Variants in SEMA3A observed in about 807,000 individuals in gnomAD.
The protein encoded by SEMA3A is semaphorin 3A.
A neutral mutation model predicts 97.9 loss-of-function variants in SEMA3A; 29 were observed. The observed-to-expected ratio is 0.30, with a 90% CI of 0.22 to 0.40. SEMA3A has a LOEUF of 0.40. Among genes scored for constraint, SEMA3A ranks in the 10% least tolerant of loss-of-function variants. SEMA3A has a pLI of 1.00. For missense variants in SEMA3A, 763 were observed against 951.3 expected, an observed-to-expected ratio of 0.80 and a Z score of 2.60; for synonymous variants, 321 against 323.7, an observed-to-expected ratio of 0.99 and a Z score of 0.09.
At chr7:84,049,241 A>T (rs1792490191) in intron 5 of SEMA3A, among the ~76,000 whole-genome samples, 1 of 152,080 alleles carries the variant, frequency 6.6e-6, no homozygotes, top group Non-Finnish European at 1.5e-5. Context: ...AGATGATTTT[A>T]TTGAACTGGA....
Position 83,961,303 on chromosome 7 carries a change from G to T in SEMA3A, c.*68C>A. On this transcript the variant is annotated 3_prime_UTR_variant, in exon 17 of 17. Coordinates refer to ENST00000265362, the MANE Select transcript of SEMA3A (RefSeq NM_006080.3). Reference sequence around the variant, plus strand: ...GCCATGAAAAAAGTTCATGTATATTGCATTTGTTTTTCCAGTTATTGTCTA... The same window carrying T: ...GCCATGAAAAAAGTTCATGTATATTTCATTTGTTTTTCCAGTTATTGTCTA... 7.9e-7 allele frequency: 1 copy of T among 1,260,094 alleles called. No individual in the cohort carries two copies. Among genetic ancestry groups the T allele is most frequent in the Non-Finnish European group, 1.2e-6 (1 of 864,850 alleles). The allele number at this position is 1,260,094 out of a possible 1,614,324, so 78.1% of individuals were successfully genotyped here. A position where few individuals can be genotyped will look rare whatever the true frequency, so the allele number is the denominator to read the frequency against.
intron 4 of SEMA3A, among the ~76,000 whole-genome samples, chr7:84,061,242 T>A (rs1793205173): frequency 6.6e-6 from 1 of 152,186 alleles, no homozygotes; most frequent in African/African-American, 2.4e-5. Context: ...GAAAGCCTGC[T>A]CTGTTGGGTC....
intron 5 of SEMA3A, among the ~76,000 whole-genome samples, chr7:84,048,574 T>C (rs574478954): frequency 6.6e-6 from 1 of 152,110 alleles, no homozygotes; most frequent in East Asian, 1.9e-4. Context: ...ATTTTCATGA[T>C]GGAACACCTG....
At chr7:84,255,166 A>G (rs1799691608) in intron 3 of SEMA3A, among the ~76,000 whole-genome samples, 1 of 152,132 alleles carries the variant, frequency 6.6e-6, no homozygotes, top group East Asian at 1.9e-4. Flanking sequence ...TTCAAAGTTG[A>G]ATTTATCAAA....
chr7:84,169,349 C>T (rs1030664214), intron 1 of SEMA3A, among the ~76,000 whole-genome samples: 2 of 150,718 alleles, frequency 1.3e-5, no homozygotes, highest in African/African-American at 4.9e-5. Context: ...TTAATATATT[C>T]ACTTATAGGA....
intron 1 of SEMA3A, among the ~76,000 whole-genome samples, chr7:84,483,497 C>A (rs768266555): frequency 1.1e-4 from 16 of 152,126 alleles, no homozygotes; most frequent in Admixed American, 2.6e-4. Context: ...GAGAAGGAGG[C>A]TTTCAAGCCA....
intron 3 of SEMA3A, among the ~76,000 whole-genome samples, chr7:84,265,851 G>C (rs1799983720): frequency 6.6e-6 from 1 of 151,884 alleles, no homozygotes; most frequent in African/African-American, 2.4e-5. Context: ...ATGGGTGAAA[G>C]CACAGAAAAT....
At chr7:84,463,219 T>C (rs940797701) in intron 1 of SEMA3A, among the ~76,000 whole-genome samples, 1 of 150,756 alleles carries the variant, frequency 6.6e-6, no homozygotes, top group Non-Finnish European at 1.5e-5. Context: ...ATAATTACTT[T>C]AGTATTTTGT....
intron 3 of SEMA3A, among the ~76,000 whole-genome samples, chr7:84,249,078 T>C (rs919672137): frequency 6.6e-6 from 1 of 152,190 alleles, no homozygotes; most frequent in Non-Finnish European, 1.5e-5. Flanking sequence ...TTCAGAAGAA[T>C]AAAGTGCTTC....
intron 1 of SEMA3A, among the ~76,000 whole-genome samples, chr7:84,139,519 A>C (rs1679423733): frequency 6.6e-6 from 1 of 152,092 alleles, no homozygotes; most frequent in African/African-American, 2.4e-5. Context: ...GCTTAATGAC[A>C]AAATGGAAAA....
intron 2 of SEMA3A, among the ~76,000 whole-genome samples, chr7:84,357,192 C>T (rs1271725673): frequency 6.6e-6 from 1 of 151,162 alleles, no homozygotes; most frequent in Non-Finnish European, 1.5e-5. Context: ...AGGCTTGTTA[C>T]ATATGTATAC....
chr7:84,379,171 C>T (rs1803191550), intron 1 of SEMA3A, among the ~76,000 whole-genome samples: 1 of 152,104 alleles, frequency 6.6e-6, no homozygotes, highest in Admixed American at 6.5e-5. Context: ...TCATGATCCG[C>T]CTGCCTCGGC....
At chr7:84,285,737 A>G (rs1020571992) in intron 3 of SEMA3A, among the ~76,000 whole-genome samples, 9 of 152,042 alleles carry the variant, frequency 5.9e-5, no homozygotes, top group Non-Finnish European at 1.2e-4. Flanking sequence ...AGTTGAGCTC[A>G]GGAGACCAGA....
intron 1 of SEMA3A, chr7:84,371,946 C>T (rs76152582): frequency 1.4e-3 from 218 of 152,020 alleles, no homozygotes; most frequent in African/African-American, 4.6e-3. Context: ...TGAACTTTGA[C>T]GCAAACTTGA....
intron 2 of SEMA3A, among the ~76,000 whole-genome samples, chr7:84,325,633 A>G (rs1336578205): frequency 1.3e-5 from 2 of 152,036 alleles, no homozygotes; most frequent in Non-Finnish European, 1.5e-5. Flanking sequence ...ATCAAGGAAT[A>G]GGCAGGCCAG....
rs59465422 is a variant in SEMA3A at position 84,463,237 on chromosome 7, C to CTTTTTTTTTTTTTTT, written c.-246+29208_-246+29222dup. Reference sequence around the variant, plus strand: ...ATTACTTTAGTATTTTGTAACTATTCTTTTTTTTTTTTTTTTTTTTTTTTT... The same window carrying CTTTTTTTTTTTTTTT: ...ATTACTTTAGTATTTTGTAACTATTCTTTTTTTTTTTTTTTTTTTTTTTTTTTTTTTTTTTTTTTT... On this transcript the variant is annotated intron_variant, in intron 1 of 3. Transcript: ENST00000424555. 5.9e-4 allele frequency among the ~76,000 whole-genome samples: 42 copies of CTTTTTTTTTTTTTTT among 71,346 alleles called. 7 individuals carry two copies. Among genetic ancestry groups the CTTTTTTTTTTTTTTT allele is most frequent in the African/African-American group, 2.2e-3 (40 of 17,912 alleles). 46.8% of individuals were successfully genotyped at this position (71,346 alleles called of 152,430 possible).
At chr7:84,173,103 C>CT (rs1230842697) in intron 1 of SEMA3A, among the ~76,000 whole-genome samples, 6 of 152,216 alleles carry the variant, frequency 3.9e-5, no homozygotes, top group Middle Eastern at 6.8e-3. Flanking sequence ...GAAGCGATAA[C>CT]TTTTTGAAGT....
intron 4 of SEMA3A, among the ~76,000 whole-genome samples, chr7:84,078,527 A>C (rs1226910110): frequency 6.6e-6 from 1 of 152,040 alleles, no homozygotes; most frequent in Non-Finnish European, 1.5e-5. Flanking sequence ...CTTTAGCTTT[A>C]CTTCAAATAG....
intron 1 of SEMA3A, among the ~76,000 whole-genome samples, chr7:84,458,364 C>T (rs1322079351): frequency 6.6e-6 from 1 of 151,858 alleles, no homozygotes; most frequent in East Asian, 1.9e-4. Flanking sequence ...CTTCATTTAA[C>T]TTTAGTATTA....
Sources: gnomAD v4.1 joint callset for allele counts (sites outside exome capture counted in the v4.1 genomes callset) on GRCh38, gnomAD v4.1.1 for gene constraint, MANE v1.5 for transcripts, NCBI Gene and HGNC (gene_info 2026-07-23, HGNC 2026-07-21) for gene names.